Variants in CADM2 observed in about 807,000 individuals in gnomAD.
CADM2 encodes cell adhesion molecule 2, also known as immunoglobulin superfamily member 4D.
In CADM2, 12 loss-of-function variants were observed where a neutral mutation model predicts 49.8. That is an observed-to-expected ratio of 0.24 (90% confidence interval 0.15 to 0.39). The LOEUF is 0.39. Among genes scored for constraint, CADM2 ranks in the 10% least tolerant of loss-of-function variants. CADM2 has a pLI of 1.00. For synonymous variants in CADM2, 214 were observed against 175.4 expected, an observed-to-expected ratio of 1.22 and a Z score of -1.74; for missense variants, 378 against 492.3, an observed-to-expected ratio of 0.77 and a Z score of 2.20.
chr3:85,385,250 T>G (rs2034155822), intron 1 of CADM2, among the ~76,000 whole-genome samples: 1 of 152,190 alleles, frequency 6.6e-6, no homozygotes, highest in Admixed American at 6.5e-5. Context: ...ACTGTTTATT[T>G]TTTATTCATT....
At chr3:85,404,358 C>T (rs144128832) in intron 1 of CADM2, among the ~76,000 whole-genome samples, 120 of 151,870 alleles carry the variant, frequency 7.9e-4, no homozygotes, top group Middle Eastern at 3.4e-3. Context: ...TGTTTATGTA[C>T]ATTTGATTGA....
At chr3:85,617,352 T>C (rs763005010) in intron 1 of CADM2, among the ~76,000 whole-genome samples, 2 of 152,126 alleles carry the variant, frequency 1.3e-5, no homozygotes, top group Non-Finnish European at 2.9e-5. Context: ...ATTACAAAGA[T>C]ATTTTAAAGC....
chr3:85,738,005 A>C (rs1577198164), intron 2 of CADM2, among the ~76,000 whole-genome samples: 1 of 152,178 alleles, frequency 6.6e-6, no homozygotes, highest in Admixed American at 6.5e-5. Flanking sequence ...CTTAATAAGC[A>C]TGCTGTCTAG....
intron 1 of CADM2, among the ~76,000 whole-genome samples, chr3:85,441,081 A>G (rs991370180): frequency 5.3e-5 from 8 of 152,080 alleles, no homozygotes; most frequent in Non-Finnish European, 1.0e-4. Flanking sequence ...ATACATAAAC[A>G]CATAACCATA....
rs1011507085 is a variant in CADM2, at chr3:85,422,289, C to CT, written c.62-304223dup. On this transcript the variant is annotated intron_variant, in intron 1 of 9. Transcript: ENST00000383699. The stretch of plus-strand genomic sequence containing the variant: ...TTTGCGAATGAAATAATGCAGCAGC[C>CT]TTTTTTTTTTGAGACAGAGTCTCTG... Among the ~76,000 whole-genome samples, 64 of 148,306 alleles carry CT rather than the reference C, an allele frequency of 4.3e-4. 1 individual carries two copies. The highest frequency in any genetic ancestry group is 3.9e-3 in the East Asian group (20 of 5,078).
chr3:85,458,497 T>C (rs902286439), intron 1 of CADM2, among the ~76,000 whole-genome samples: 16 of 152,178 alleles, frequency 1.1e-4, no homozygotes, highest in African/African-American at 3.9e-4. Context: ...ACTACCTGAG[T>C]TGAAAAGTAG....
At chr3:85,847,626 G>A (rs932904756) in intron 3 of CADM2, among the ~76,000 whole-genome samples, 3 of 152,052 alleles carry the variant, frequency 2.0e-5, no homozygotes, top group Admixed American at 2.0e-4. Context: ...TTGCTTTAGA[G>A]TACCTATTAG....
chr3:85,775,091 C>CA (rs1175952478), intron 2 of CADM2, among the ~76,000 whole-genome samples: 1 of 151,472 alleles, frequency 6.6e-6, no homozygotes, highest in Non-Finnish European at 1.5e-5. Flanking sequence ...AAACCTACAT[C>CA]AAAAATAAGG....
At chr3:85,301,744 G>T in intron 1 of CADM2, among the ~76,000 whole-genome samples, 1 of 151,910 alleles carries the variant, frequency 6.6e-6, no homozygotes, top group East Asian at 1.9e-4. Context: ...CAGGCATTCT[G>T]CAAAGCAGCT....
At chr3:85,235,915 T>G (rs553504806) in intron 1 of CADM2, among the ~76,000 whole-genome samples, 1 of 152,286 alleles carries the variant, frequency 6.6e-6, no homozygotes, top group African/African-American at 2.4e-5. Flanking sequence ...TTACGCTGTA[T>G]ATTTTGTTGA....
intron 1 of CADM2, among the ~76,000 whole-genome samples, chr3:85,723,706 C>G (rs1362898395): frequency 6.6e-6 from 1 of 152,076 alleles, no homozygotes; most frequent in African/African-American, 2.4e-5. Context: ...TAACTTATCT[C>G]CAATCCACTG....
intron 3 of CADM2, among the ~76,000 whole-genome samples, chr3:85,853,301 A>AAAC (rs923494623): frequency 1.3e-5 from 2 of 151,724 alleles, no homozygotes; most frequent in African/African-American, 2.4e-5. Context: ...GAAGCAACAA[A>AAAC]AACAACAACA....
intron 1 of CADM2, among the ~76,000 whole-genome samples, chr3:85,573,914 AG>A (rs1245835572): frequency 6.6e-6 from 1 of 152,070 alleles, no homozygotes; most frequent in Non-Finnish European, 1.5e-5. Context: ...AGTCTATTGT[AG>A]TAATCTACAT....
chr3:85,693,265 G>A, intron 1 of CADM2, among the ~76,000 whole-genome samples: 1 of 151,564 alleles, frequency 6.6e-6, no homozygotes, highest in East Asian at 1.9e-4. Flanking sequence ...AAAAAACAAG[G>A]AAGGAAGGAA....
chr3:85,294,221 C>A (rs2106950307), intron 1 of CADM2, among the ~76,000 whole-genome samples: 1 of 152,210 alleles, frequency 6.6e-6, no homozygotes, highest in East Asian at 1.9e-4. Context: ...ACCTAGGAAT[C>A]CAACATACAA....
At chr3:85,640,770 G>T (rs546220996) in intron 1 of CADM2, among the ~76,000 whole-genome samples, 1 of 152,264 alleles carries the variant, frequency 6.6e-6, no homozygotes, top group Non-Finnish European at 1.5e-5. Context: ...GAATGAAAAA[G>T]TACTATTGAC....
chr3:85,371,677 G>GTGTGTGTGTATATA (rs1251505613), intron 1 of CADM2, among the ~76,000 whole-genome samples: 4 of 95,132 alleles, frequency 4.2e-5, no homozygotes, highest in Admixed American at 1.3e-4. Flanking sequence ...GTGTGTGTGT[G>GTGTGTGTGTATATA]TATATATATA....
intron 1 of CADM2, among the ~76,000 whole-genome samples, chr3:85,602,068 G>A (rs1433950616): frequency 6.6e-6 from 1 of 151,722 alleles, no homozygotes; most frequent in Non-Finnish European, 1.5e-5. Flanking sequence ...AGAATTAAAA[G>A]CAATTATCAT....
intron 1 of CADM2, among the ~76,000 whole-genome samples, chr3:85,048,569 C>G (rs1293177685): frequency 6.6e-6 from 1 of 152,016 alleles, no homozygotes; most frequent in Non-Finnish European, 1.5e-5. Context: ...GCCTAGGTAC[C>G]CTTAGGACTT....
Sources: gnomAD v4.1 joint callset for allele counts (sites outside exome capture counted in the v4.1 genomes callset) on GRCh38, gnomAD v4.1.1 for gene constraint, MANE v1.5 for transcripts, NCBI Gene and HGNC (gene_info 2026-07-23, HGNC 2026-07-21) for gene names.